The following NINL variants were observed in gnomAD, a reference collection of about 807,000 sequenced individuals.
The protein encoded by NINL is ninein like, also known as ninein-like protein.
In NINL, 153 loss-of-function variants were observed where a neutral mutation model predicts 160.3. That is an observed-to-expected ratio of 0.95 (90% CI 0.84 to 1.09). The LOEUF (loss-of-function observed/expected upper bound fraction) is 1.09, where lower values mean the gene tolerates loss of function less well. Ranked by LOEUF, NINL falls within the 50% of genes least tolerant of loss-of-function variation. The pLI, the probability that NINL is intolerant of heterozygous loss-of-function variation, is 0.00. For synonymous variants in NINL, 800 were observed against 734.8 expected (o/e 1.09, Z -1.43); for missense variants, 1,829 against 1,764.0 (o/e 1.04, Z -0.66).
Position 25,472,975 on chromosome 20 carries a change from C to T in NINL, c.3249-2880G>A, listed in dbSNP as rs1435622402. 2.6e-5 allele frequency among the ~76,000 whole-genome samples: 4 copies of T among 152,114 alleles called. No homozygotes were observed. In the East Asian group the frequency reaches 7.7e-4, roughly 29 times the overall value. On this transcript the variant is annotated intron_variant, in intron 17 of 23. Transcript: ENST00000278886. ...CAAAAACTAGGAACTACCCAAATGCCCATCAACAGGAGAAAAGAATAAACT... is the reference window on the plus strand; with the variant it reads ...CAAAAACTAGGAACTACCCAAATGCTCATCAACAGGAGAAAAGAATAAACT...
intron 21 of NINL, 85 bp from the exon 22 acceptor site, chr20:25,458,614 C>A: frequency 7.3e-7 from 1 of 1,370,938 alleles, no homozygotes; most frequent in Non-Finnish European, 9.7e-7. Context: ...GACACCCCCA[C>A]CTGCAAGGGC....
At chr20:25,522,317 A>C (rs960779655) in intron 2 of NINL, among the ~76,000 whole-genome samples, 2 of 152,174 alleles carry the variant, frequency 1.3e-5, no homozygotes, top group Non-Finnish European at 2.9e-5. Flanking sequence ...TCCTCCTTGA[A>C]AGCTTGGCCT....
chr20:25,517,932 C>T, intron 2 of NINL, 83 bp from the exon 3 acceptor site: 1 of 779,656 alleles, frequency 1.3e-6, no homozygotes, highest in Non-Finnish European at 2.0e-6. Flanking sequence ...GATTTTCTCT[C>T]AGATAGAAAT....
intron 1 of NINL, among the ~76,000 whole-genome samples, chr20:25,549,173 G>A (rs1472670349): frequency 3.3e-5 from 3 of 91,946 alleles, no homozygotes; most frequent in East Asian, 3.3e-4. Context: ...CGGCACCCAC[G>A]GCCACACCTC....
At position 25,458,549 on chromosome 20, in the gene NINL, C is replaced by T; in HGVS notation, c.3697-20G>A. On this transcript the variant is annotated intron_variant, in intron 21 of 23. Coordinates refer to ENST00000278886, the MANE Select transcript of NINL (RefSeq NM_025176.6). ...CTGCACCTGCATGGGGAAGGGGAGACAGCTCTGGTGGGGCTGCTGAGACGC... is the reference window on the plus strand; with the variant it reads ...CTGCACCTGCATGGGGAAGGGGAGATAGCTCTGGTGGGGCTGCTGAGACGC... 2 of 1,564,428 alleles carry T rather than the reference C, an allele frequency of 1.3e-6. No homozygotes were observed. The highest frequency in any genetic ancestry group is 1.7e-6 in the Non-Finnish European group (2 of 1,161,136).
chr20:25,469,972 G>A lies in NINL; in HGVS notation c.3353+19C>T. On this transcript the variant is annotated intron_variant, in intron 18 of 23. Coordinates refer to ENST00000278886, the MANE Select transcript of NINL (RefSeq NM_025176.6). ...CAAAACGCACCCCCAGAAGGTCTGGGTAGGGGCGTGGCCCTTACCTCTGTG... is the reference window on the plus strand; with the variant it reads ...CAAAACGCACCCCCAGAAGGTCTGGATAGGGGCGTGGCCCTTACCTCTGTG... 1 of 1,594,698 alleles carries A rather than the reference G, an allele frequency of 6.3e-7. No homozygotes were observed. The highest frequency in any genetic ancestry group is 8.6e-7 in the Non-Finnish European group (1 of 1,162,324).
chr20:25,562,420 A>G (rs1430736504), intron 1 of NINL, among the ~76,000 whole-genome samples: 1 of 119,562 alleles, frequency 8.4e-6, no homozygotes, highest in African/African-American at 3.2e-5. Flanking sequence ...AGAAGTAGAC[A>G]TGGGAGACTT....
At position 25,479,146 on chromosome 20, in the gene NINL, C is replaced by T. The variant is rs1242433056; in HGVS notation, c.1978G>A (p.Asp660Asn). 1.9e-6 allele frequency: 3 copies of T among 1,612,630 alleles called. No homozygotes were observed. The highest frequency in any genetic ancestry group is 2.5e-6 in the Non-Finnish European group (3 of 1,179,592). ...LKRNFEKERK[D>N]MEQARRREVS... ...TCGCGCCTGCGAGCCTGCTCCATGT[C>T]CTTCCTCTCCTTCTCAAAGTTCCTT... The change falls in exon 16 of 24, where the codon GAC becomes AAC. Residue 660 changes from aspartate to asparagine, a missense_variant. Asp to Asn is a conservative substitution (Grantham distance 23). Coordinates refer to ENST00000278886, the MANE Select transcript of NINL (RefSeq NM_025176.6).
In NINL at chr20:25,544,258, C is replaced by G. The variant is rs145515156; in HGVS notation, c.-11-17660G>C. The stretch of plus-strand genomic sequence containing the variant: ...CAGGCAACTCCTGGCTCTGGCCTCA[C>G]CAGCATCCACATAATAGGATAAAAG... On this transcript the variant is annotated intron_variant, in intron 1 of 23. Coordinates refer to ENST00000278886, the MANE Select transcript of NINL (RefSeq NM_025176.6). Among the ~76,000 whole-genome samples the G allele has an allele frequency of 1.3e-5, 2 of 152,046 alleles. 1 individual carries two copies. Among genetic ancestry groups the G allele is most frequent in the South Asian group, 4.2e-4 (2 of 4,818 alleles).
chr20:25,545,331 G>C (rs78081247), intron 1 of NINL, among the ~76,000 whole-genome samples: 3,184 of 152,262 alleles, frequency 0.021, 97 homozygotes, highest in African/African-American at 0.072. Flanking sequence ...TCTTTCCTCT[G>C]CATTTGGGAA....
intron 1 of NINL, among the ~76,000 whole-genome samples, chr20:25,555,284 C>T (rs755716776): frequency 4.6e-5 from 7 of 152,198 alleles, no homozygotes; most frequent in Non-Finnish European, 8.8e-5. Context: ...AGACAGGCCC[C>T]ACAACAAAGC....
intron 19 of NINL, 38 bp downstream of exon 19, chr20:25,467,351 T>G (rs766360209): frequency 7.0e-7 from 1 of 1,427,052 alleles, no homozygotes; most frequent in South Asian, 1.1e-5. Flanking sequence ...AAAAAAGGAA[T>G]GGTGGCATGA....
chr20:25,456,864 G>A (rs2090697509), intron 22 of NINL, among the ~76,000 whole-genome samples: 1 of 151,976 alleles, frequency 6.6e-6, no homozygotes, highest in African/African-American at 2.4e-5. Context: ...CCCAGGAGGT[G>A]GAGGCTGCAG....
intron 9 of NINL, among the ~76,000 whole-genome samples, chr20:25,497,632 G>A (rs1454076527): frequency 6.6e-6 from 1 of 152,242 alleles, no homozygotes; most frequent in African/African-American, 2.4e-5. Context: ...AAACCAAACA[G>A]ACACAATTAA....
chr20:25,505,353 C>A (rs897808980), intron 5 of NINL, among the ~76,000 whole-genome samples: 2 of 150,870 alleles, frequency 1.3e-5, no homozygotes, highest in African/African-American at 4.9e-5. Flanking sequence ...GGGTCACTTT[C>A]AGTTACAAGA....
chr20:25,538,395 T>C (rs1387679519), intron 1 of NINL, among the ~76,000 whole-genome samples: 1 of 152,186 alleles, frequency 6.6e-6, no homozygotes, highest in Non-Finnish European at 1.5e-5. Context: ...CTACATGGTA[T>C]ATTTTTTTTC....
At chr20:25,496,373 G>A (rs2063752319) in intron 10 of NINL, among the ~76,000 whole-genome samples, 1 of 152,180 alleles carries the variant, frequency 6.6e-6, no homozygotes, top group African/African-American at 2.4e-5. Context: ...GGGGCCGAAA[G>A]GCTTGGCTTA....
chr20:25,504,060 G>T lies in NINL; in HGVS notation c.753C>A (p.Gly251=). The part of the protein sequence containing the change: ...LFNKLDQDGD[G]KVSLEEFQLG... ...GCTGGAATTCCTCAAGACTCACTTTGCCGTCTCCGTCTTGATCCAGTTTGT... is the reference window on the plus strand; with the variant it reads ...GCTGGAATTCCTCAAGACTCACTTTTCCGTCTCCGTCTTGATCCAGTTTGT... Residue 251 remains glycine (G), a synonymous_variant, in exon 7 of 24, where the codon GGC becomes GGA. Coordinates refer to ENST00000278886, the MANE Select transcript of NINL (RefSeq NM_025176.6). The T allele has an allele frequency of 6.2e-7, 1 of 1,607,052 alleles. No individual in the cohort carries two copies. Among genetic ancestry groups the T allele is most frequent in the Non-Finnish European group, 8.5e-7 (1 of 1,177,218 alleles).
At chr20:25,526,718 G>T in intron 1 of NINL, 120 bp from the exon 2 acceptor site, 1 of 1,046,660 alleles carries the variant, frequency 9.6e-7, no homozygotes. Context: ...CTGGCATGTG[G>T]GGAAGGCACC....
Sources: allele counts gnomAD v4.1 joint callset (sites outside exome capture counted in the v4.1 genomes callset), GRCh38; gene constraint gnomAD v4.1.1; transcripts MANE v1.5; gene names NCBI Gene and HGNC (gene_info 2026-07-23, HGNC 2026-07-21).